The following FOXK1 variants were observed in gnomAD, a reference collection of about 807,000 sequenced individuals.
FOXK1 encodes the protein forkhead box K1.
In FOXK1, 19 loss-of-function variants were observed where a neutral mutation model predicts 51.9. The observed-to-expected ratio is 0.37, with a 90% CI of 0.26 to 0.54. The LOEUF (loss-of-function observed/expected upper bound fraction) is 0.54. FOXK1 is among the 20% of genes least tolerant of loss of function. The pLI is 0.87. For synonymous variants in FOXK1, 537 were observed against 482.6 expected, an observed-to-expected ratio of 1.11 and a Z score of -1.48; for missense variants, 870 against 1,032.7, an observed-to-expected ratio of 0.84 and a Z score of 2.16.
intron 1 of FOXK1, among the ~76,000 whole-genome samples, chr7:4,714,879 C>G (rs187780496): frequency 3.9e-4 from 60 of 152,300 alleles, no homozygotes; most frequent in African/African-American, 1.4e-3. Flanking sequence ...TCCGATTTCT[C>G]CAGAGAGCTG....
intron 7 of FOXK1, among the ~76,000 whole-genome samples, chr7:4,760,817 C>T (rs1476093921): frequency 6.6e-6 from 1 of 152,220 alleles, no homozygotes; most frequent in Non-Finnish European, 1.5e-5. Flanking sequence ...CACCCCTGCA[C>T]TCCAGCCTGG....
In FOXK1 at chr7:4,682,651, G is replaced by T. The variant is rs1315099449; in HGVS notation, c.343G>T (p.Glu115Ter). The T allele has an allele frequency of 1.3e-6, 2 of 1,567,346 alleles. No individual in the cohort carries two copies. The highest frequency in any genetic ancestry group is 1.7e-6 in the Non-Finnish European group (2 of 1,164,504). Residue 115 changes from glutamate (E) to a stop codon, truncating the protein, a stop_gained, in exon 1 of 9, where the codon GAG (glutamate) becomes TAG (stop). Coordinates refer to ENST00000328914, the MANE Select transcript of FOXK1 (RefSeq NM_001037165.2). LOFTEE classifies it high-confidence loss of function. The surrounding 1 kb of genome is among the most constrained non-coding windows in gnomAD (Gnocchi z 7.6). Reference protein sequence around the residue: ...ALARLEGREFEFLMRQPSVTI... With the variant: ...ALARLEGREF ...GGCGCGGCTGGAGGGCCGCGAGTTC[G>T]AGTTCCTCATGCGCCAGCCCAGCGT... is the stretch of plus-strand genomic sequence containing the variant.
chr7:4,712,510 A>G (rs1424218886), intron 1 of FOXK1, among the ~76,000 whole-genome samples: 1 of 152,322 alleles, frequency 6.6e-6, no homozygotes, highest in East Asian at 1.9e-4. Flanking sequence ...AACACTTCTC[A>G]GAGGCAGCTG....
chr7:4,727,506 C>T (rs962871756), intron 1 of FOXK1, among the ~76,000 whole-genome samples: 2 of 151,814 alleles, frequency 1.3e-5, no homozygotes, highest in Admixed American at 6.6e-5. Context: ...AGTAGAGACC[C>T]GTTTCACCAT....
chr7:4,721,806 G>T (rs1053228162), intron 1 of FOXK1, among the ~76,000 whole-genome samples: 2 of 151,670 alleles, frequency 1.3e-5, no homozygotes, highest in African/African-American at 4.8e-5. Flanking sequence ...GACCAGGCTG[G>T]TCTTGAACTC....
chr7:4,682,840 G>C lies in FOXK1; in HGVS notation c.532G>C (p.Gly178Arg). 1 of 1,563,222 alleles carries C rather than the reference G, an allele frequency of 6.4e-7. No homozygotes were observed. Among genetic ancestry groups the C allele is most frequent in the Non-Finnish European group, 8.6e-7 (1 of 1,160,226 alleles). ...CGTGGACGGGGCCTTCCAGAGACGCGGCGCGCCCGCCCTGCAGCTGCCCAA... is the reference window on the plus strand; with the variant it reads ...CGTGGACGGGGCCTTCCAGAGACGCCGCGCGCCCGCCCTGCAGCTGCCCAA... ...VFVDGAFQRR[G>R]APALQLPKQC... The change falls in exon 1 of 9, where the codon GGC (glycine) becomes CGC (arginine). Residue 178 changes from glycine (G) to arginine (R), a missense_variant. By Grantham distance (125) the Gly-to-Arg change is moderately radical. Around this residue, in one of 3 missense-constraint regions of FOXK1, gnomAD observed 399 missense variants for 475.6 expected, o/e 0.84. Transcript: ENST00000328914. This position sits in a 1 kb window ranked among gnomAD's most constrained non-coding sequence, Gnocchi z 7.6.
At chr7:4,751,704 G>A (rs958604127) in intron 2 of FOXK1, among the ~76,000 whole-genome samples, 2 of 152,242 alleles carry the variant, frequency 1.3e-5, no homozygotes, top group African/African-American at 2.4e-5. Context: ...GAGGAGCCAT[G>A]TGAACAAACA....
rs1428109360 is a variant in FOXK1, at chr7:4,770,922, C to T, written c.*8458C>T. The T allele has an allele frequency of 1.4e-5, 2 of 145,404 alleles. No homozygotes were observed. The highest frequency in any genetic ancestry group is 3.0e-5 in the Non-Finnish European group (2 of 67,464). 9.0% of individuals were successfully genotyped at this position (145,404 alleles called of 1,614,324 possible). A position where few individuals can be genotyped will look rare whatever the true frequency, so the allele number is the denominator to read the frequency against. ...GTGTGTATTTTTTTTTTTACAGTGG[C>T]GCCTGTCTAAAGTATTTTTCACAAC... is the stretch of plus-strand genomic sequence containing the variant. On this transcript the variant is annotated 3_prime_UTR_variant, in exon 9 of 9. Coordinates refer to ENST00000328914, the MANE Select transcript of FOXK1 (RefSeq NM_001037165.2).
In FOXK1 at chr7:4,731,469, G is replaced by A. The variant is rs990040234; in HGVS notation, c.561-9369G>A. The stretch of plus-strand genomic sequence containing the variant: ...CAACATTTAAAGAACCTTTTGAAAA[G>A]AGAGAGGCGGCCGGGCACAGTGGCT... On this transcript the variant is annotated intron_variant, in intron 1 of 8. Coordinates refer to ENST00000328914, the MANE Select transcript of FOXK1 (RefSeq NM_001037165.2). The surrounding 1 kb of genome is among the most constrained non-coding windows in gnomAD (Gnocchi z 5.3). Among the ~76,000 whole-genome samples, 15 of 152,088 alleles carry A rather than the reference G, an allele frequency of 9.9e-5. No individual in the cohort carries two copies. Among genetic ancestry groups the A allele is most frequent in the African/African-American group, 3.6e-4 (15 of 41,428 alleles).
rs967965017 is a variant in FOXK1 at position 4,709,873 on chromosome 7, G to A, written c.560+27005G>A. On this transcript the variant is annotated intron_variant, in intron 1 of 8. Coordinates refer to ENST00000328914, the MANE Select transcript of FOXK1 (RefSeq NM_001037165.2). The surrounding 1 kb of genome is among the most constrained non-coding windows in gnomAD (Gnocchi z 5.6). ...CACCTCCAAGGAGGGAGAGAGGATC[G>A]AATGAGTTCACTTAGAACAACGCGT... 2.6e-5 allele frequency among the ~76,000 whole-genome samples: 4 copies of A among 152,180 alleles called. No homozygotes were observed. Among genetic ancestry groups the A allele is most frequent in the Admixed American group, 6.5e-5 (1 of 15,276 alleles).
At chr7:4,727,641 G>T (rs1382823338) in intron 1 of FOXK1, among the ~76,000 whole-genome samples, 1 of 152,216 alleles carries the variant, frequency 6.6e-6, no homozygotes, top group Non-Finnish European at 1.5e-5. Context: ...CTAAAGTGCG[G>T]TGTTTCTCCT....
In FOXK1 at chr7:4,709,093, A is replaced by T. The variant is rs891814821; in HGVS notation, c.560+26225A>T. ...AAAAAAAAAAAAGAAAAGAAAAGAA[A>T]AAGAAAAACAAGGAAAAAAGAAAAG... On this transcript the variant is annotated intron_variant, in intron 1 of 8. Transcript: ENST00000328914. This position sits in a 1 kb window ranked among gnomAD's most constrained non-coding sequence, Gnocchi z 5.6. Among the ~76,000 whole-genome samples the T allele has an allele frequency of 6.6e-6, 1 of 151,794 alleles. No individual in the cohort carries two copies. Among genetic ancestry groups the T allele is most frequent in the Non-Finnish European group, 1.5e-5 (1 of 67,908 alleles).
At chr7:4,701,381 C>T (rs1258371550) in intron 1 of FOXK1, among the ~76,000 whole-genome samples, 2 of 152,136 alleles carry the variant, frequency 1.3e-5, no homozygotes, top group Non-Finnish European at 2.9e-5. Flanking sequence ...AAACAGTTCC[C>T]AGTTTTAGCC....
rs1248328502 is a variant in FOXK1, at chr7:4,710,249, C to G, written c.560+27381C>G. On this transcript the variant is annotated intron_variant, in intron 1 of 8. Transcript: ENST00000328914. ...TTCCTTTCTAAGATAACAGAGGTCT[C>G]AGAAAGTACAGGATAGGCCAGTGTA... is the stretch of plus-strand genomic sequence containing the variant. Among the ~76,000 whole-genome samples, 3 of 152,182 alleles carry G rather than the reference C, an allele frequency of 2.0e-5. No homozygotes were observed. In the East Asian group the frequency reaches 5.8e-4, roughly 29 times the overall value.
chr7:4,735,524 C>G lies in FOXK1; in HGVS notation c.561-5314C>G, dbSNP rs528465055. ...TTCTCCGTCCCCCCTGCCTGTCCCA[C>G]CCGTCACTCCAGCCCTAGGCAACCA... On this transcript the variant is annotated intron_variant, in intron 1 of 8. Coordinates refer to ENST00000328914, the MANE Select transcript of FOXK1 (RefSeq NM_001037165.2). The surrounding 1 kb of genome is among the most constrained non-coding windows in gnomAD (Gnocchi z 4.7). 2.0e-5 allele frequency among the ~76,000 whole-genome samples: 3 copies of G among 152,276 alleles called. No individual in the cohort carries two copies. In the East Asian group the frequency reaches 5.8e-4, roughly 29 times the overall value.
At chr7:4,744,854 C>T (rs553122226) in intron 2 of FOXK1, among the ~76,000 whole-genome samples, 8 of 152,354 alleles carry the variant, frequency 5.3e-5, no homozygotes, top group Non-Finnish European at 1.0e-4. Flanking sequence ...GAATTCTGTG[C>T]GGAGAAAGTA....
At chr7:4,698,213 T>C (rs1205043241) in intron 1 of FOXK1, among the ~76,000 whole-genome samples, 1 of 152,152 alleles carries the variant, frequency 6.6e-6, no homozygotes, top group Non-Finnish European at 1.5e-5. Context: ...CTGCATGTCC[T>C]CTGCCCAGAT....
At chr7:4,691,009 A>G (rs770025663) in intron 1 of FOXK1, among the ~76,000 whole-genome samples, 1 of 152,174 alleles carries the variant, frequency 6.6e-6, no homozygotes, top group Non-Finnish European at 1.5e-5. Context: ...GCGATCTTGT[A>G]CTTAATTTTC....
At chr7:4,760,505 T>A (rs1430096929) in intron 7 of FOXK1, among the ~76,000 whole-genome samples, 1 of 152,224 alleles carries the variant, frequency 6.6e-6, no homozygotes, top group Non-Finnish European at 1.5e-5. Context: ...TTCCAAGTAA[T>A]ACGTTTTCTT....
Sources: gnomAD v4.1 joint callset for allele counts (sites outside exome capture counted in the v4.1 genomes callset) on GRCh38, gnomAD v4.1.1 for gene constraint, gnomAD v4.1.1 regional missense constraint, Gnocchi (gnomAD v3.1) non-coding constraint, MANE v1.5 for transcripts, NCBI Gene and HGNC (gene_info 2026-07-23, HGNC 2026-07-21) for gene names.